SPECC1: variants seen among roughly 807,000 people sequenced by gnomAD.
SPECC1 encodes the protein cytospin-B.
Under a neutral mutation model 104.1 loss-of-function variants are expected in SPECC1, and 62 were observed. That is an observed-to-expected ratio of 0.60 (90% CI 0.49 to 0.74). SPECC1 has a LOEUF of 0.74. Ranked by LOEUF, SPECC1 falls within the 30% of genes least tolerant of loss-of-function variation. SPECC1 has a pLI of 0.00. For synonymous variants in SPECC1, 513 were observed against 501.6 expected (o/e 1.02, Z -0.30); for missense variants, 1,306 against 1,310.5 (o/e 1.00, Z 0.05).
At chr17:20,260,623 A>G (rs2039992535) in intron 12 of SPECC1, among the ~76,000 whole-genome samples, 1 of 152,230 alleles carries the variant, frequency 6.6e-6, no homozygotes. Context: ...AATGCGATAG[A>G]AATTGTCATG....
At chr17:20,270,095 G>A (rs2040350065) in intron 12 of SPECC1, among the ~76,000 whole-genome samples, 1 of 152,114 alleles carries the variant, frequency 6.6e-6, no homozygotes, top group Admixed American at 6.5e-5. Context: ...GCGGTTGCCA[G>A]AGGCTGAGGA....
intron 4 of SPECC1, among the ~76,000 whole-genome samples, chr17:20,209,719 C>T (rs752739438): frequency 2.6e-5 from 4 of 152,344 alleles, no homozygotes; most frequent in Non-Finnish European, 4.4e-5. Context: ...AAAGCCACCA[C>T]TCCTATCCTT....
chr17:20,233,828 C>A lies in SPECC1; in HGVS notation c.2351+1423C>A, dbSNP rs181315118. ...CTGTGTCTGCTTTTGTTTCGTTTGCCTCTGTCTTGCTTCCCTATTGTCTGT... is the reference window on the plus strand; with the variant it reads ...CTGTGTCTGCTTTTGTTTCGTTTGCATCTGTCTTGCTTCCCTATTGTCTGT... On this transcript the variant is annotated intron_variant, in intron 7 of 14. Transcript: ENST00000395527. Among the ~76,000 whole-genome samples the A allele has an allele frequency of 3.8e-3, 572 of 152,330 alleles. 3 individuals carry two copies. The highest frequency in any genetic ancestry group is 0.027 in the South Asian group (128 of 4,818).
chr17:20,310,795 G>A (rs749964799), intron 14 of SPECC1, among the ~76,000 whole-genome samples: 5 of 152,214 alleles, frequency 3.3e-5, no homozygotes, highest in Non-Finnish European at 5.9e-5. Context: ...TACTCTGCAA[G>A]TGTAAACTTA....
chr17:20,029,465 T>TG (rs2044724735), intron 1 of SPECC1, among the ~76,000 whole-genome samples: 1 of 152,178 alleles, frequency 6.6e-6, no homozygotes, highest in African/African-American at 2.4e-5. Context: ...AGAGATCTGT[T>TG]CTTTTTTTTG....
intron 11 of SPECC1, 101 bp downstream of exon 11, chr17:20,257,708 A>G: frequency 7.0e-7 from 1 of 1,438,150 alleles, no homozygotes; most frequent in Non-Finnish European, 9.4e-7. Flanking sequence ...TTCTACAAAT[A>G]TTTCCTGCAT....
chr17:20,247,367 C>T (rs748427381), intron 9 of SPECC1, 48 bp downstream of exon 9: 2 of 1,375,450 alleles, frequency 1.5e-6, no homozygotes. Flanking sequence ...GCTGTGTATC[C>T]CTCTAGATGT....
At position 20,065,736 on chromosome 17, in the gene SPECC1, T is replaced by C. The variant is rs558207488; in HGVS notation, c.-21-30895T>C. Reference sequence around the variant, plus strand: ...TCTCTTCAAGACTTTTCTTGGTCTCTCTGTGTAACATTCCTTCCTTTAGGG... The same window carrying C: ...TCTCTTCAAGACTTTTCTTGGTCTCCCTGTGTAACATTCCTTCCTTTAGGG... On this transcript the variant is annotated intron_variant, in intron 1 of 14. Coordinates refer to ENST00000395527, the MANE Select transcript of SPECC1 (RefSeq NM_001243439.2). Among the ~76,000 whole-genome samples, 267 of 152,346 alleles carry C rather than the reference T, an allele frequency of 1.8e-3. 1 individual carries two copies. Among genetic ancestry groups the C allele is most frequent in the African/African-American group, 6.3e-3 (260 of 41,580 alleles).
intron 3 of SPECC1, among the ~76,000 whole-genome samples, chr17:20,172,746 TA>T (rs1308360169): frequency 2.0e-5 from 3 of 152,212 alleles, no homozygotes; most frequent in African/African-American, 7.2e-5. Context: ...TGATGAGTTT[TA>T]ATCTGCTTTA....
intron 1 of SPECC1, among the ~76,000 whole-genome samples, chr17:20,025,294 C>T (rs879740481): frequency 2.0e-5 from 3 of 152,232 alleles, no homozygotes; most frequent in African/African-American, 4.8e-5. Context: ...GTCTCCAGAA[C>T]TGTGAGGAAA....
At chr17:20,081,635 T>A (rs2046978050) in intron 1 of SPECC1, among the ~76,000 whole-genome samples, 1 of 151,686 alleles carries the variant, frequency 6.6e-6, no homozygotes, top group Non-Finnish European at 1.5e-5. Flanking sequence ...GAGGAGAGGA[T>A]GGAGGTGAAT....
intron 3 of SPECC1, among the ~76,000 whole-genome samples, chr17:20,143,000 C>CA (rs535200568): frequency 2.0e-5 from 3 of 149,654 alleles, no homozygotes; most frequent in African/African-American, 7.4e-5. Context: ...GACCCTGTCT[C>CA]AAAAAAAATA....
intron 12 of SPECC1, among the ~76,000 whole-genome samples, chr17:20,285,233 T>A (rs188767308): frequency 2.0e-5 from 3 of 152,368 alleles, no homozygotes; most frequent in Non-Finnish European, 2.9e-5. Flanking sequence ...CCTGCTGCGT[T>A]ATTCATGAGT....
At position 20,263,887 on chromosome 17, in the gene SPECC1, G is replaced by T. The variant is rs1689277773; in HGVS notation, c.2940+3593G>T. On this transcript the variant is annotated intron_variant, in intron 12 of 14. Transcript: ENST00000395527. The stretch of plus-strand genomic sequence containing the variant: ...ACACTATTTCCTGCTGGAGTGATTT[G>T]TGTGTGTGTGTGTGTGTGTGAACAT... 1.3e-5 allele frequency among the ~76,000 whole-genome samples: 2 copies of T among 150,392 alleles called. 1 individual carries two copies. Among genetic ancestry groups the T allele is most frequent in the South Asian group, 4.2e-4 (2 of 4,752 alleles).
chr17:20,016,544 G>A (rs374971391), intron 1 of SPECC1, among the ~76,000 whole-genome samples: 41 of 152,294 alleles, frequency 2.7e-4, no homozygotes, highest in African/African-American at 8.9e-4. Context: ...TGGGCTTGGC[G>A]GGCCCCGCAC....
chr17:20,071,377 T>C (rs1289672242), intron 1 of SPECC1, among the ~76,000 whole-genome samples: 1 of 123,082 alleles, frequency 8.1e-6, no homozygotes, highest in Non-Finnish European at 1.9e-5. Context: ...TTTGTGTTTG[T>C]GTGTGTTTGT....
intron 12 of SPECC1, among the ~76,000 whole-genome samples, chr17:20,292,571 C>A (rs1800970652): frequency 6.6e-6 from 1 of 152,150 alleles, no homozygotes; most frequent in Admixed American, 6.5e-5. Flanking sequence ...GTCAGGTGAT[C>A]CGCTCACCTC....
chr17:20,268,977 G>C (rs904324444), intron 12 of SPECC1, among the ~76,000 whole-genome samples: 1 of 152,144 alleles, frequency 6.6e-6, no homozygotes, highest in South Asian at 2.1e-4. Context: ...CAGACTGTTC[G>C]CACAGCAGAT....
At chr17:20,031,146 C>T (rs2044793042) in intron 1 of SPECC1, among the ~76,000 whole-genome samples, 2 of 152,162 alleles carry the variant, frequency 1.3e-5, no homozygotes, top group Middle Eastern at 3.4e-3. Context: ...AAGTATATGC[C>T]ACCATGCCTG....
Sources: allele counts gnomAD v4.1 joint callset (sites outside exome capture counted in the v4.1 genomes callset), GRCh38; gene constraint gnomAD v4.1.1; transcripts MANE v1.5; gene names NCBI Gene and HGNC (gene_info 2026-07-23, HGNC 2026-07-21).